The following ANKRD28 variants were observed in gnomAD, a reference collection of about 807,000 sequenced individuals.
ANKRD28 encodes the protein serine/threonine-protein phosphatase 6 regulatory ankyrin repeat subunit A.
In ANKRD28, 44 loss-of-function variants were observed where a neutral mutation model predicts 126.5. That is an observed-to-expected ratio of 0.35 (90% confidence interval 0.27 to 0.45). ANKRD28 has a LOEUF of 0.45. ANKRD28 is among the 20% of genes least tolerant of loss of function. ANKRD28 has a pLI of 1.00. For missense variants in ANKRD28, 1,110 were observed against 1,316.6 expected (o/e 0.84, Z 2.43); for synonymous variants, 442 against 468.5 (o/e 0.94, Z 0.73).
intron 14 of ANKRD28, among the ~76,000 whole-genome samples, chr3:15,706,745 G>T (rs1452349069): frequency 6.6e-6 from 1 of 152,142 alleles, no homozygotes; most frequent in Non-Finnish European, 1.5e-5. Context: ...ATCCTCTCCA[G>T]CACCTGTTGT....
chr3:15,782,922 T>G (rs1007385190), intron 2 of ANKRD28, among the ~76,000 whole-genome samples: 5 of 152,118 alleles, frequency 3.3e-5, no homozygotes, highest in African/African-American at 1.2e-4. Context: ...GCATAAAGCC[T>G]CTTTCCTTTT....
intron 1 of ANKRD28, among the ~76,000 whole-genome samples, chr3:15,855,330 G>T (rs1048523921): frequency 2.0e-5 from 3 of 151,674 alleles, no homozygotes; most frequent in African/African-American, 7.3e-5. Context: ...TGCCAACCCT[G>T]TTTAAAAAAA....
chr3:15,680,395 C>T lies in ANKRD28; in HGVS notation c.2390-832G>A, dbSNP rs886904268. Among the ~76,000 whole-genome samples the T allele has an allele frequency of 2.4e-4, 37 of 151,954 alleles. 5 individuals carry two copies. Among genetic ancestry groups the T allele is most frequent in the Admixed American group, 9.8e-4 (15 of 15,240 alleles). On this transcript the variant is annotated intron_variant, in intron 21 of 27. Transcript: ENST00000683139. ...GCTTTTTTCGTATTTTTAGTAGACA[C>T]GGGGTTTCACCATGTTGGTCAGGCT...
At chr3:15,706,660 G>A (rs1233551465) in intron 14 of ANKRD28, among the ~76,000 whole-genome samples, 3 of 152,054 alleles carry the variant, frequency 2.0e-5, no homozygotes, top group East Asian at 3.8e-4. Context: ...TTGATGAATC[G>A]CCACACTGTC....
intron 18 of ANKRD28, among the ~76,000 whole-genome samples, chr3:15,689,248 C>T (rs2068503050): frequency 6.6e-6 from 1 of 152,136 alleles, no homozygotes; most frequent in Non-Finnish European, 1.5e-5. Flanking sequence ...GAGATAAGTC[C>T]AGGCTGTAGC....
intron 8 of ANKRD28, among the ~76,000 whole-genome samples, chr3:15,719,790 A>C (rs1342308707): frequency 6.6e-6 from 1 of 152,090 alleles, no homozygotes; most frequent in African/African-American, 2.4e-5. Context: ...CCTGGCCTCA[A>C]GTGATCTTCT....
chr3:15,759,326 C>CA (rs141029939), intron 3 of ANKRD28, among the ~76,000 whole-genome samples: 6,378 of 152,158 alleles, frequency 0.042, 462 homozygotes, highest in African/African-American at 0.14. Context: ...ATAATACCTT[C>CA]ACAAATTTAG....
rs2061708854 is a variant in ANKRD28, at chr3:15,854,029, G to A, written c.27+5348C>T. ...CAGCAGTAGCTACCTAACTGGTCCT[G>A]GGTGTCCCTGTTTGTCTGCCTTTTG... On this transcript the variant is annotated intron_variant, in intron 1 of 27. Transcript: ENST00000399451. This position sits in a 1 kb window ranked among gnomAD's most constrained non-coding sequence, Gnocchi z 4.1. Among the ~76,000 whole-genome samples, 2 of 152,132 alleles carry A rather than the reference G, an allele frequency of 1.3e-5. No homozygotes were observed. The highest frequency in any genetic ancestry group is 2.1e-4 in the South Asian group (1 of 4,828).
chr3:15,717,806 A>C (rs1257442028), intron 8 of ANKRD28, among the ~76,000 whole-genome samples: 4 of 152,208 alleles, frequency 2.6e-5, no homozygotes, highest in Non-Finnish European at 5.9e-5. Context: ...ACTGCTTTAT[A>C]AACCTGATTC....
chr3:15,758,700 C>G (rs1274584707), intron 3 of ANKRD28, among the ~76,000 whole-genome samples: 2 of 152,190 alleles, frequency 1.3e-5, no homozygotes, highest in East Asian at 3.8e-4. Flanking sequence ...ACCTTGATCT[C>G]AGACTTACAG....
chr3:15,734,354 T>C (rs1355896372), intron 6 of ANKRD28, among the ~76,000 whole-genome samples: 1 of 152,258 alleles, frequency 6.6e-6, no homozygotes, highest in Admixed American at 6.5e-5. Context: ...GGATAGGCTA[T>C]GGCTCTTAGA....
At chr3:15,810,137 T>C (rs2060681453) in intron 1 of ANKRD28, among the ~76,000 whole-genome samples, 1 of 152,172 alleles carries the variant, frequency 6.6e-6, no homozygotes, top group Non-Finnish European at 1.5e-5. Context: ...GAACTTACTG[T>C]GCATACAGTG....
rs972252534 is a variant in ANKRD28 at position 15,854,150 on chromosome 3, C to T, written c.27+5227G>A. On this transcript the variant is annotated intron_variant, in intron 1 of 27. Coordinates refer to the ANKRD28 transcript ENST00000399451. This position sits in a 1 kb window ranked among gnomAD's most constrained non-coding sequence, Gnocchi z 4.1. ...ACCTGCACATTCTTGCCAAAACCTT[C>T]GCAGGCCCTATTTTAAGGAGGCCCA... 6.6e-5 allele frequency among the ~76,000 whole-genome samples: 10 copies of T among 152,200 alleles called. No individual in the cohort carries two copies. Among genetic ancestry groups the T allele is most frequent in the Admixed American group, 2.0e-4 (3 of 15,286 alleles).
Position 15,822,873 on chromosome 3 carries a change from T to C in ANKRD28, c.28-27567A>G, listed in dbSNP as rs58595803. ...TCAACAAAACTGATAAGCTTTTAGCTAGACTGACAAAAAGAAGACCCACAT... is the reference window on the plus strand; with the variant it reads ...TCAACAAAACTGATAAGCTTTTAGCCAGACTGACAAAAAGAAGACCCACAT... On this transcript the variant is annotated intron_variant, in intron 1 of 27. Coordinates refer to the ANKRD28 transcript ENST00000399451. 4.0e-3 allele frequency among the ~76,000 whole-genome samples: 615 copies of C among 152,292 alleles called. 2 individuals are homozygous for C. The highest frequency in any genetic ancestry group is 0.023 in the East Asian group (118 of 5,190).
intron 4 of ANKRD28, among the ~76,000 whole-genome samples, chr3:15,749,913 G>A (rs1365731772): frequency 6.6e-6 from 1 of 152,188 alleles, no homozygotes; most frequent in African/African-American, 2.4e-5. Context: ...GGGGAGTGAA[G>A]CGGACTCTGA....
At chr3:15,832,521 T>A (rs1210624089) in intron 1 of ANKRD28, among the ~76,000 whole-genome samples, 1 of 152,248 alleles carries the variant, frequency 6.6e-6, no homozygotes, top group African/African-American at 2.4e-5. Context: ...TTACATGCAC[T>A]TACTGCATTG....
chr3:15,850,660 G>A (rs1288545731), intron 1 of ANKRD28, among the ~76,000 whole-genome samples: 1 of 152,102 alleles, frequency 6.6e-6, no homozygotes, highest in Non-Finnish European at 1.5e-5. Context: ...CTGGACAGTG[G>A]CATCCCCAGA....
At chr3:15,748,904 C>T (rs932611999) in intron 4 of ANKRD28, among the ~76,000 whole-genome samples, 2 of 151,822 alleles carry the variant, frequency 1.3e-5, no homozygotes, top group African/African-American at 2.4e-5. Context: ...AATTTTTTTT[C>T]TTTGTCTTTG....
chr3:15,826,311 A>C (rs191223930), intron 1 of ANKRD28, among the ~76,000 whole-genome samples: 163 of 152,352 alleles, frequency 1.1e-3, no homozygotes, highest in Non-Finnish European at 1.7e-3. Context: ...GTAGTGGTCA[A>C]ATCAGGGCTT....
Sources: gnomAD v4.1 joint callset for allele counts (sites outside exome capture counted in the v4.1 genomes callset) on GRCh38, gnomAD v4.1.1 for gene constraint, Gnocchi (gnomAD v3.1) non-coding constraint, MANE v1.5 for transcripts, NCBI Gene and HGNC (gene_info 2026-07-23, HGNC 2026-07-21) for gene names.